UGT8: variants seen among roughly 807,000 people sequenced by gnomAD.
UGT8 encodes the protein 2-hydroxyacylsphingosine 1-beta-galactosyltransferase.
UGT8 carries 12 observed loss-of-function variants against 40.5 expected under a neutral mutation model. That is an observed-to-expected ratio of 0.30 (90% CI 0.19 to 0.48). The LOEUF (loss-of-function observed/expected upper bound fraction) is 0.48. Among genes scored for constraint, UGT8 ranks in the 20% least tolerant of loss-of-function variants. UGT8 has a pLI of 0.99. For synonymous variants in UGT8, 224 were observed against 240.4 expected, an observed-to-expected ratio of 0.93 and a Z score of 0.63; for missense variants, 513 against 648.7, an observed-to-expected ratio of 0.79 and a Z score of 2.27.
chr4:114,647,918 G>T (rs1031917874), intron 2 of UGT8, among the ~76,000 whole-genome samples: 7 of 152,166 alleles, frequency 4.6e-5, no homozygotes, highest in Admixed American at 4.6e-4. Flanking sequence ...AACTGTGGAA[G>T]AAATTTTGTG....
rs137877961 is a variant in UGT8 at position 114,664,359 on chromosome 4, A to G, written c.965+222A>G. Reference sequence around the variant, plus strand: ...GACCTATATAGCACAGAAAGAAGATATGATTCAGAATGACTTTTCCTTGTG... The same window carrying G: ...GACCTATATAGCACAGAAAGAAGATGTGATTCAGAATGACTTTTCCTTGTG... On this transcript the variant is annotated intron_variant, in intron 3 of 5. Coordinates refer to ENST00000310836, the MANE Select transcript of UGT8 (RefSeq NM_001128174.3). 5.6e-3 allele frequency among the ~76,000 whole-genome samples: 857 copies of G among 152,350 alleles called. 6 individuals are homozygous for G. The highest frequency in any genetic ancestry group is 0.017 in the Middle Eastern group (5 of 294).
At chr4:114,643,848 T>C (rs1052084955) in intron 2 of UGT8, among the ~76,000 whole-genome samples, 8 of 152,140 alleles carry the variant, frequency 5.3e-5, no homozygotes, top group Non-Finnish European at 1.2e-4. Context: ...TCTCAAACTC[T>C]CAATGCTTCT....
At chr4:114,654,489 C>A (rs1272507516) in intron 2 of UGT8, among the ~76,000 whole-genome samples, 1 of 152,012 alleles carries the variant, frequency 6.6e-6, no homozygotes, top group Non-Finnish European at 1.5e-5. Context: ...GCAGGAACAA[C>A]TTTTCTGTGC....
intron 2 of UGT8, among the ~76,000 whole-genome samples, chr4:114,654,559 A>G (rs1302386353): frequency 6.6e-6 from 1 of 152,110 alleles, no homozygotes; most frequent in Admixed American, 6.6e-5. Context: ...AATCATCCTC[A>G]GGCTTGTTCA....
At chr4:114,663,061 G>A (rs1481951069) in intron 2 of UGT8, among the ~76,000 whole-genome samples, 1 of 151,712 alleles carries the variant, frequency 6.6e-6, no homozygotes, top group Non-Finnish European at 1.5e-5. Context: ...CTGACCTCAT[G>A]ATGCACCTGC....
intron 2 of UGT8, among the ~76,000 whole-genome samples, chr4:114,635,140 C>G (rs957336066): frequency 5.9e-5 from 9 of 151,850 alleles, no homozygotes; most frequent in Non-Finnish European, 1.2e-4. Flanking sequence ...CACTTGAGGT[C>G]AGGAGTTCGA....
intron 2 of UGT8, among the ~76,000 whole-genome samples, chr4:114,625,285 G>A (rs560203628): frequency 1.3e-5 from 2 of 152,174 alleles, no homozygotes; most frequent in South Asian, 4.1e-4. Context: ...GGCCAAGGCA[G>A]GAGGATCACT....
chr4:114,649,544 G>C (rs1057508752), intron 2 of UGT8, among the ~76,000 whole-genome samples: 3 of 152,144 alleles, frequency 2.0e-5, no homozygotes, highest in African/African-American at 7.2e-5. Context: ...TCAACACTCT[G>C]CTCTACCATC....
intron 1 of UGT8, among the ~76,000 whole-genome samples, chr4:114,608,460 C>T (rs572707261): frequency 5.6e-4 from 85 of 152,130 alleles, no homozygotes; most frequent in South Asian, 1.9e-3. Context: ...ATTTTCTATA[C>T]GTATTTTGAT....
intron 2 of UGT8, among the ~76,000 whole-genome samples, chr4:114,651,606 C>T (rs1337700469): frequency 1.3e-5 from 2 of 152,084 alleles, no homozygotes; most frequent in Non-Finnish European, 2.9e-5. Context: ...CTTTAACATG[C>T]TCACTGTTAA....
intron 2 of UGT8, among the ~76,000 whole-genome samples, chr4:114,650,323 C>T (rs766604258): frequency 1.3e-5 from 2 of 152,102 alleles, no homozygotes; most frequent in Non-Finnish European, 1.5e-5. Flanking sequence ...TCTATTTAAC[C>T]CATTTATGCC....
At chr4:114,611,764 GTTTTC>G (rs938409357) in intron 1 of UGT8, among the ~76,000 whole-genome samples, 2 of 151,594 alleles carry the variant, frequency 1.3e-5, no homozygotes, top group African/African-American at 4.8e-5. Context: ...TAATACCACT[GTTTTC>G]TTTATTAAAA....
At chr4:114,639,919 T>C (rs550546690) in intron 2 of UGT8, among the ~76,000 whole-genome samples, 1 of 152,256 alleles carries the variant, frequency 6.6e-6, no homozygotes, top group African/African-American at 2.4e-5. Flanking sequence ...GATGCCTTAT[T>C]GGGTGCAGGG....
chr4:114,660,193 T>G (rs1394282189), intron 2 of UGT8, among the ~76,000 whole-genome samples: 1 of 152,138 alleles, frequency 6.6e-6, no homozygotes, highest in Non-Finnish European at 1.5e-5. Context: ...AAAAGACATT[T>G]ATCCTTCCAG....
In UGT8 at chr4:114,626,204, C is replaced by T. The variant is rs1260451104; in HGVS notation, c.822+2502C>T. Among the ~76,000 whole-genome samples, 6 of 152,056 alleles carry T rather than the reference C, an allele frequency of 3.9e-5. 1 individual carries two copies. Among genetic ancestry groups the T allele is most frequent in the African/African-American group, 1.5e-4 (6 of 41,368 alleles). ...TTTTATATGCTTATGAACACATGTT[C>T]CCACTGAGATTTTTCTAGTAGATTT... On this transcript the variant is annotated intron_variant, in intron 2 of 5. Coordinates refer to ENST00000310836, the MANE Select transcript of UGT8 (RefSeq NM_001128174.3).
intron 1 of UGT8, among the ~76,000 whole-genome samples, chr4:114,607,665 C>T (rs1730814659): frequency 6.6e-6 from 1 of 152,188 alleles, no homozygotes; most frequent in Non-Finnish European, 1.5e-5. Flanking sequence ...AGCTCAACTT[C>T]CTAACTCAGA....
At chr4:114,604,864 AT>A (rs1730646609) in intron 1 of UGT8, among the ~76,000 whole-genome samples, 1 of 151,586 alleles carries the variant, frequency 6.6e-6, no homozygotes. Flanking sequence ...ATCGCTAGCC[AT>A]ACTTTTCGTT....
intron 2 of UGT8, among the ~76,000 whole-genome samples, chr4:114,652,273 G>T (rs1326983232): frequency 3.9e-5 from 6 of 152,012 alleles, no homozygotes. Context: ...GGTCAGGGAT[G>T]GGATAAGCTA....
At chr4:114,617,191 T>G (rs1039978326) in intron 1 of UGT8, among the ~76,000 whole-genome samples, 9 of 152,106 alleles carry the variant, frequency 5.9e-5, no homozygotes, top group Non-Finnish European at 1.2e-4. Flanking sequence ...GAGGTGAAGG[T>G]TGTAGTGAGC....
Sources: gnomAD v4.1 joint callset for allele counts (sites outside exome capture counted in the v4.1 genomes callset) on GRCh38, gnomAD v4.1.1 for gene constraint, MANE v1.5 for transcripts, NCBI Gene and HGNC (gene_info 2026-07-23, HGNC 2026-07-21) for gene names.